CSMD2: variants seen among roughly 807,000 people sequenced by gnomAD.
CSMD2 encodes CUB and sushi domain-containing protein 2.
In CSMD2, 130 loss-of-function variants were observed where a neutral mutation model predicts 398.5. The observed-to-expected ratio is 0.33, with a 90% CI of 0.28 to 0.38. CSMD2 has a LOEUF of 0.38. CSMD2 is among the 10% of genes least tolerant of loss of function. The pLI, the probability that CSMD2 is intolerant of heterozygous loss-of-function variation, is 1.00. For missense variants in CSMD2, 3,829 were observed against 4,764.9 expected, an observed-to-expected ratio of 0.80 and a Z score of 5.78; for synonymous variants, 1,828 against 1,908.5, an observed-to-expected ratio of 0.96 and a Z score of 1.10.
chr1:34,055,437 T>G (rs935391924), intron 2 of CSMD2, among the ~76,000 whole-genome samples: 2 of 152,132 alleles, frequency 1.3e-5, no homozygotes, highest in African/African-American at 4.8e-5. Flanking sequence ...CCACCGCAGA[T>G]GCCAATCACA....
At chr1:34,108,988 G>A (rs1660786167) in intron 1 of CSMD2, among the ~76,000 whole-genome samples, 2 of 152,178 alleles carry the variant, frequency 1.3e-5, no homozygotes. Flanking sequence ...CCAGCATCAA[G>A]GAGGGCATGA....
intron 9 of CSMD2, among the ~76,000 whole-genome samples, chr1:33,819,036 C>T (rs1271948033): frequency 2.0e-5 from 3 of 152,226 alleles, no homozygotes; most frequent in Non-Finnish European, 4.4e-5. Flanking sequence ...CACAGGGGCT[C>T]TCTCTGCTGG....
intron 1 of CSMD2, among the ~76,000 whole-genome samples, chr1:34,114,541 A>ATTT (rs201565221): frequency 6.6e-6 from 1 of 151,834 alleles, no homozygotes; most frequent in African/African-American, 2.4e-5. Flanking sequence ...TCTAAAAACA[A>ATTT]TTTTTTTTAA....
At chr1:33,958,890 A>C (rs483069) in intron 3 of CSMD2, among the ~76,000 whole-genome samples, 45,487 of 152,058 alleles carry the variant, frequency 0.3, 7,008 homozygotes, top group Middle Eastern at 0.43. Flanking sequence ...CAGCAGAAAG[A>C]AAGCTGAAAC....
At chr1:33,736,573 A>C (rs1282721259) in intron 15 of CSMD2, among the ~76,000 whole-genome samples, 1 of 152,230 alleles carries the variant, frequency 6.6e-6, no homozygotes, top group African/African-American at 2.4e-5. Context: ...GTTTCAATGC[A>C]TCGCAGAGCT....
At chr1:33,799,781 C>A (rs1249647263) in intron 10 of CSMD2, among the ~76,000 whole-genome samples, 3 of 152,158 alleles carry the variant, frequency 2.0e-5, no homozygotes, top group African/African-American at 7.2e-5. Flanking sequence ...GAGCATGAGA[C>A]CCGGAGGGAA....
At chr1:33,781,340 G>A (rs1652740063) in intron 12 of CSMD2, among the ~76,000 whole-genome samples, 1 of 152,220 alleles carries the variant, frequency 6.6e-6, no homozygotes. Flanking sequence ...AAGATTTGCT[G>A]CCCCTCCTTT....
chr1:33,529,827 A>G (rs568879697), intron 64 of CSMD2, among the ~76,000 whole-genome samples: 1 of 152,350 alleles, frequency 6.6e-6, no homozygotes, highest in East Asian at 1.9e-4. Flanking sequence ...AACACCAACA[A>G]GAGAGCGAAA....
chr1:34,145,773 G>C (rs1038104399), intron 1 of CSMD2, among the ~76,000 whole-genome samples: 1 of 152,120 alleles, frequency 6.6e-6, no homozygotes, highest in African/African-American at 2.4e-5. Context: ...GAGGAGAGGG[G>C]GACCTCCTTT....
rs756221089 is a variant in CSMD2, at chr1:33,724,472, G to A, written c.2884+44C>T. ...TTGAGCACCTGTGTTTCTGTGGCAG[G>A]AGAGGAGTCTGCTACTTTAGCGCCC... On this transcript the variant is annotated intron_variant, in intron 18 of 70. Transcript: ENST00000373381. The A allele has an allele frequency of 3.1e-6, 5 of 1,591,228 alleles. No homozygotes were observed. In the East Asian group the frequency reaches 1.1e-4, roughly 36 times the overall value.
intron 1 of CSMD2, among the ~76,000 whole-genome samples, chr1:34,093,691 G>A (rs1336236401): frequency 7.2e-5 from 11 of 151,800 alleles, no homozygotes; most frequent in Admixed American, 7.2e-4. Flanking sequence ...AATGAAGTGA[G>A]AAGGGAAGTT....
At chr1:33,867,386 T>A (rs1640119011) in intron 5 of CSMD2, among the ~76,000 whole-genome samples, 1 of 152,208 alleles carries the variant, frequency 6.6e-6, no homozygotes, top group East Asian at 1.9e-4. Flanking sequence ...AGCCAGCAGA[T>A]GAGAACTTGG....
intron 5 of CSMD2, among the ~76,000 whole-genome samples, chr1:33,890,679 T>C (rs949054221): frequency 8.6e-5 from 13 of 151,872 alleles, no homozygotes; most frequent in African/African-American, 3.1e-4. Flanking sequence ...AACAGCATGG[T>C]ACTGGTACCA....
In CSMD2 at chr1:33,706,842, G is replaced by A. The variant is rs114247590; in HGVS notation, c.3576+2247C>T. On this transcript the variant is annotated intron_variant, in intron 22 of 70. Transcript: ENST00000373381. The stretch of plus-strand genomic sequence containing the variant: ...TGCGTGCGTGTGTATGTGTGTGTGC[G>A]TGTGTGCATTGTGTGCGTGTGCATG... Among the ~76,000 whole-genome samples the A allele has an allele frequency of 2.5e-3, 383 of 151,612 alleles. 1 individual carries two copies. The highest frequency in any genetic ancestry group is 8.3e-3 in the African/African-American group (345 of 41,388).
chr1:33,741,113 G>A (rs1353666102), intron 14 of CSMD2, among the ~76,000 whole-genome samples: 1 of 152,160 alleles, frequency 6.6e-6, no homozygotes, highest in Non-Finnish European at 1.5e-5. Flanking sequence ...GTTCCATGTG[G>A]AAGAGGAATT....
At chr1:33,561,945 T>C (rs1487530414) in intron 53 of CSMD2, among the ~76,000 whole-genome samples, 1 of 152,136 alleles carries the variant, frequency 6.6e-6, no homozygotes, top group African/African-American at 2.4e-5. Context: ...AAATCACTCA[T>C]ATAAAGAGAG....
At chr1:33,657,388 C>A (rs900511077) in intron 27 of CSMD2, among the ~76,000 whole-genome samples, 1 of 152,158 alleles carries the variant, frequency 6.6e-6, no homozygotes, top group African/African-American at 2.4e-5. Flanking sequence ...GTAGGAGTAT[C>A]ACTTGAGCTC....
At chr1:34,010,818 C>CGTCT (rs1321214213) in intron 3 of CSMD2, among the ~76,000 whole-genome samples, 1 of 152,108 alleles carries the variant, frequency 6.6e-6, no homozygotes. Context: ...CGAGGTTTCA[C>CGTCT]CGTGTTAGCC....
intron 16 of CSMD2, 21 bp downstream of exon 16, chr1:33,726,526 C>A (rs1176699262): frequency 1.9e-6 from 3 of 1,599,720 alleles, no homozygotes; most frequent in Admixed American, 1.7e-5. Context: ...CCCTCTCCCC[C>A]AAGGCTGTGG....
Sources: allele counts gnomAD v4.1 joint callset (sites outside exome capture counted in the v4.1 genomes callset), GRCh38; gene constraint gnomAD v4.1.1; transcripts MANE v1.5; gene names NCBI Gene and HGNC (gene_info 2026-07-23, HGNC 2026-07-21).